PAIP2B: variants seen among roughly 807,000 people sequenced by gnomAD.
PAIP2B encodes the protein polyadenylate-binding protein-interacting protein 2B.
Under a neutral mutation model 17.0 loss-of-function variants are expected in PAIP2B, and 13 were observed. The observed-to-expected ratio is 0.76, with a 90% CI of 0.50 to 1.22. The LOEUF (loss-of-function observed/expected upper bound fraction) is 1.22. Ranked by LOEUF, PAIP2B falls within the 50% of genes most tolerant of loss-of-function variation. The pLI is 0.00. For missense variants in PAIP2B, 117 were observed against 144.5 expected (o/e 0.81, Z 0.98); for synonymous variants, 43 against 48.7 (o/e 0.88, Z 0.48).
chr2:71,219,840 T>C (rs1239734008), intron 1 of PAIP2B, among the ~76,000 whole-genome samples: 2 of 152,228 alleles, frequency 1.3e-5, no homozygotes, highest in East Asian at 3.8e-4. Flanking sequence ...CTTATTATCA[T>C]TTCAGAAGTT....
At chr2:71,197,428 T>C (rs1674850090) in intron 2 of PAIP2B, among the ~76,000 whole-genome samples, 1 of 152,196 alleles carries the variant, frequency 6.6e-6, no homozygotes, top group African/African-American at 2.4e-5. Flanking sequence ...CTACCCTTTC[T>C]CTCTAGCTGT....
intron 1 of PAIP2B, among the ~76,000 whole-genome samples, chr2:71,208,930 C>T (rs1675216781): frequency 6.6e-6 from 1 of 152,210 alleles, no homozygotes; most frequent in Admixed American, 6.5e-5. Context: ...GATGCCTTGA[C>T]TTTGGACTTC....
chr2:71,202,520 G>T lies in PAIP2B; in HGVS notation c.70C>A (p.His24Asn). Residue 24 changes from histidine (H) to asparagine (N), a missense_variant, in exon 2 of 4, where the codon CAC (histidine) becomes AAC (asparagine). His to Asn is a moderately conservative substitution (Grantham distance 68, BLOSUM62 1). Transcript: ENST00000244221. ...KSKEDQGLSG[H>N]DEKENPFAEY... ...GCAAATGGGTTTTCCTTTTCATCGT[G>T]CCCACTTAACCCCTGGTCCTCTTTG... 1.2e-6 allele frequency: 2 copies of T among 1,613,558 alleles called. No homozygotes were observed. Among genetic ancestry groups the T allele is most frequent in the Non-Finnish European group, 1.7e-6 (2 of 1,179,666 alleles).
At chr2:71,188,766 C>G (rs1342768679) in intron 3 of PAIP2B, among the ~76,000 whole-genome samples, 1 of 152,160 alleles carries the variant, frequency 6.6e-6, no homozygotes, top group East Asian at 1.9e-4. Context: ...TTTCCAAAAT[C>G]TCATCAGAGG....
intron 3 of PAIP2B, among the ~76,000 whole-genome samples, chr2:71,189,004 CTTT>C (rs56008115): frequency 1.6e-4 from 19 of 122,154 alleles, no homozygotes; most frequent in African/African-American, 4.8e-4. Flanking sequence ...TGCTCACAGA[CTTT>C]TTTTTTTTTT....
intron 2 of PAIP2B, among the ~76,000 whole-genome samples, chr2:71,198,164 G>C (rs1674871874): frequency 6.6e-6 from 1 of 152,090 alleles, no homozygotes; most frequent in African/African-American, 2.4e-5. Context: ...TTGTTGCCCA[G>C]GTTAGAGTGC....
intron 2 of PAIP2B, among the ~76,000 whole-genome samples, chr2:71,198,116 A>G (rs1674870844): frequency 6.6e-6 from 1 of 151,144 alleles, no homozygotes; most frequent in Admixed American, 6.6e-5. Context: ...TTTATTTTTG[A>G]CTGTCTTATT....
chr2:71,224,022 G>A lies in PAIP2B; in HGVS notation c.-12+2906C>T, dbSNP rs182665867. ...TGTGGAGCTTTCAAGGTGACTTATG[G>A]ATATACACATAGTAGTGAAAAATAT... On this transcript the variant is annotated intron_variant, in intron 1 of 3. Transcript: ENST00000244221. Among the ~76,000 whole-genome samples, 3 of 152,280 alleles carry A rather than the reference G, an allele frequency of 2.0e-5. No homozygotes were observed. The East Asian group carries it at 5.8e-4, about 29-fold the overall frequency.
chr2:71,209,317 C>T (rs1675227547), intron 1 of PAIP2B, among the ~76,000 whole-genome samples: 1 of 152,126 alleles, frequency 6.6e-6, no homozygotes, highest in African/African-American at 2.4e-5. Context: ...CTCTAATTCA[C>T]ATTTAAATGT....
intron 1 of PAIP2B, among the ~76,000 whole-genome samples, chr2:71,219,231 A>G (rs551233417): frequency 6.6e-6 from 1 of 151,878 alleles, no homozygotes; most frequent in East Asian, 1.9e-4. Context: ...CGCCCAGCCT[A>G]AGGGTTTTTC....
chr2:71,198,850 C>T (rs1674900139), intron 2 of PAIP2B, among the ~76,000 whole-genome samples: 1 of 152,162 alleles, frequency 6.6e-6, no homozygotes, highest in South Asian at 2.1e-4. Context: ...CTGTTAGGTT[C>T]TTTTTTTATA....
At position 71,189,931 on chromosome 2, in the gene PAIP2B, G is replaced by A. The variant is rs760310831; in HGVS notation, c.229C>T (p.Arg77Ter). ...TGTCCCATGGCCTGAGGCAGGTCTC[G>A]TGAGGGAATAAACCAGTCTTGGTCT... is the stretch of plus-strand genomic sequence containing the variant. Reference protein sequence around the residue: ...EEDQDWFIPSRDLPQAMGQLQ... With the variant: ...EEDQDWFIPS Residue 77 changes from arginine to a stop codon, truncating the protein, a stop_gained, in exon 3 of 4, where the codon CGA becomes TGA. Coordinates refer to ENST00000244221, the MANE Select transcript of PAIP2B (RefSeq NM_020459.1). LOFTEE classifies it high-confidence loss of function. 6 of 1,604,676 alleles carry A rather than the reference G, an allele frequency of 3.7e-6. No individual in the cohort carries two copies. Among genetic ancestry groups the A allele is most frequent in the East Asian group, 2.2e-5 (1 of 44,600 alleles).
At chr2:71,209,095 A>G (rs1417457954) in intron 1 of PAIP2B, among the ~76,000 whole-genome samples, 1 of 152,228 alleles carries the variant, frequency 6.6e-6, no homozygotes, top group African/African-American at 2.4e-5. Context: ...AGAAGTGTCC[A>G]CAGAATTCAG....
At chr2:71,219,360 C>T (rs901583083) in intron 1 of PAIP2B, among the ~76,000 whole-genome samples, 7 of 151,204 alleles carry the variant, frequency 4.6e-5, no homozygotes, top group African/African-American at 1.7e-4. Flanking sequence ...ATGTATGTAC[C>T]CCATGTAGGC....
At chr2:71,204,957 C>T (rs1170090986) in intron 1 of PAIP2B, among the ~76,000 whole-genome samples, 2 of 151,194 alleles carry the variant, frequency 1.3e-5, no homozygotes, top group Non-Finnish European at 2.9e-5. Flanking sequence ...AATCAGAAAT[C>T]AGAGTTCAGT....
intron 1 of PAIP2B, among the ~76,000 whole-genome samples, chr2:71,202,983 G>T (rs1675025194): frequency 6.6e-6 from 1 of 152,034 alleles, no homozygotes; most frequent in South Asian, 2.1e-4. Context: ...AATGAACATT[G>T]TAAGCACCTA....
chr2:71,223,267 G>A (rs761332585), intron 1 of PAIP2B, among the ~76,000 whole-genome samples: 2 of 151,978 alleles, frequency 1.3e-5, no homozygotes, highest in East Asian at 3.9e-4. Flanking sequence ...ACAAAAATTC[G>A]TTGGGTGTGG....
At chr2:71,211,633 A>T (rs934521838) in intron 1 of PAIP2B, among the ~76,000 whole-genome samples, 2 of 151,524 alleles carry the variant, frequency 1.3e-5, no homozygotes, top group African/African-American at 4.9e-5. Context: ...CCATGTGTAA[A>T]TTCATTGTCC....
intron 1 of PAIP2B, among the ~76,000 whole-genome samples, chr2:71,213,787 C>G (rs111291397): frequency 1.3e-5 from 2 of 152,092 alleles, no homozygotes; most frequent in African/African-American, 4.8e-5. Context: ...TTTCTCCAGG[C>G]CTTTAAAGGA....
Sources: gnomAD v4.1 joint callset for allele counts (sites outside exome capture counted in the v4.1 genomes callset) on GRCh38, gnomAD v4.1.1 for gene constraint, MANE v1.5 for transcripts, NCBI Gene and HGNC (gene_info 2026-07-23, HGNC 2026-07-21) for gene names.